The following LRFN5 variants were observed in gnomAD, a reference collection of about 807,000 sequenced individuals.
The protein encoded by LRFN5 is leucine-rich repeat and fibronectin type-III domain-containing protein 5.
A neutral mutation model predicts 45.6 loss-of-function variants in LRFN5; 24 were observed. That is an observed-to-expected ratio of 0.53 (90% CI 0.38 to 0.74). The LOEUF (loss-of-function observed/expected upper bound fraction) is 0.74, where lower values mean the gene tolerates loss of function less well. LRFN5 is among the 30% of genes least tolerant of loss of function. The pLI, the probability that LRFN5 is intolerant of heterozygous loss-of-function variation, is 0.00. For missense variants in LRFN5, 776 were observed against 861.5 expected (o/e 0.90, Z 1.24); for synonymous variants, 340 against 313.8 (o/e 1.08, Z -0.88).
intron 1 of LRFN5, among the ~76,000 whole-genome samples, chr14:41,696,595 A>G (rs1403635550): frequency 6.6e-6 from 1 of 151,950 alleles, no homozygotes; most frequent in African/African-American, 2.4e-5. Flanking sequence ...CAGAAGAGCA[A>G]TTGCTGGATT....
chr14:41,654,286 G>A (rs1192926419), intron 1 of LRFN5, among the ~76,000 whole-genome samples: 1 of 152,000 alleles, frequency 6.6e-6, no homozygotes, highest in African/African-American at 2.4e-5. Context: ...GTTTTATTTT[G>A]TCAAATTAAT....
intron 2 of LRFN5, among the ~76,000 whole-genome samples, chr14:41,769,143 T>C (rs1441721530): frequency 2.0e-5 from 3 of 151,766 alleles, no homozygotes; most frequent in Non-Finnish European, 4.4e-5. Flanking sequence ...AAATAGCTCA[T>C]TGAAAATTCA....
rs188509751 is a variant in LRFN5 at position 41,686,391 on chromosome 14, A to T, written c.-197+77829A>T. On this transcript the variant is annotated intron_variant, in intron 1 of 5. Coordinates refer to ENST00000298119, the MANE Select transcript of LRFN5 (RefSeq NM_152447.5). Reference sequence around the variant, plus strand: ...GCTGATACGATGGGGTTTTCTAAATATAAAATATTGTAATCTGCAAACAGA... The same window carrying T: ...GCTGATACGATGGGGTTTTCTAAATTTAAAATATTGTAATCTGCAAACAGA... Among the ~76,000 whole-genome samples, 162 of 152,206 alleles carry T rather than the reference A, an allele frequency of 1.1e-3. 1 individual carries two copies. Among genetic ancestry groups the T allele is most frequent in the Non-Finnish European group, 1.3e-3 (89 of 68,006 alleles).
intron 2 of LRFN5, among the ~76,000 whole-genome samples, chr14:41,774,300 C>T (rs1240032491): frequency 2.6e-5 from 4 of 152,098 alleles, no homozygotes; most frequent in Admixed American, 6.6e-5. Flanking sequence ...CTCCATATAC[C>T]ACTACAGACT....
At chr14:41,622,133 T>A (rs1327938482) in intron 1 of LRFN5, among the ~76,000 whole-genome samples, 2 of 151,792 alleles carry the variant, frequency 1.3e-5, no homozygotes, top group African/African-American at 4.8e-5. Context: ...CCCTCTTTTT[T>A]TTTTTTCATT....
intron 1 of LRFN5, among the ~76,000 whole-genome samples, chr14:41,677,205 T>A (rs1229064670): frequency 6.6e-6 from 1 of 152,156 alleles, no homozygotes; most frequent in Non-Finnish European, 1.5e-5. Flanking sequence ...CTTTGAGAAT[T>A]AGTTCAGTCA....
chr14:41,765,522 T>C (rs1885852622), intron 1 of LRFN5, among the ~76,000 whole-genome samples: 1 of 152,204 alleles, frequency 6.6e-6, no homozygotes, highest in African/African-American at 2.4e-5. Context: ...TGGAGGAAGA[T>C]GTACTATTGG....
chr14:41,844,578 A>G (rs1888994359), intron 2 of LRFN5, among the ~76,000 whole-genome samples: 1 of 152,202 alleles, frequency 6.6e-6, no homozygotes, highest in Non-Finnish European at 1.5e-5. Context: ...TATAAATATC[A>G]CATCTTTTAC....
intron 1 of LRFN5, among the ~76,000 whole-genome samples, chr14:41,713,190 C>T (rs1883353726): frequency 2.0e-5 from 3 of 152,044 alleles, no homozygotes; most frequent in Non-Finnish European, 4.4e-5. Flanking sequence ...AAAATGACTA[C>T]AGTAATCCAA....
intron 1 of LRFN5, among the ~76,000 whole-genome samples, chr14:41,663,460 A>T (rs1880750635): frequency 6.6e-6 from 1 of 152,100 alleles, no homozygotes; most frequent in African/African-American, 2.4e-5. Flanking sequence ...TTTACAGGGA[A>T]GTAAGTCTTC....
At chr14:41,784,655 G>A (rs1466721860) in intron 2 of LRFN5, among the ~76,000 whole-genome samples, 3 of 151,736 alleles carry the variant, frequency 2.0e-5, no homozygotes, top group Non-Finnish European at 4.4e-5. Context: ...GTGTGACAGA[G>A]TCTCGCTCTG....
At chr14:41,695,083 A>C (rs1882547414) in intron 1 of LRFN5, among the ~76,000 whole-genome samples, 1 of 151,996 alleles carries the variant, frequency 6.6e-6, no homozygotes, top group Non-Finnish European at 1.5e-5. Flanking sequence ...AAGCACAACA[A>C]CCATATTGCT....
At chr14:41,694,892 A>G (rs1882538225) in intron 1 of LRFN5, among the ~76,000 whole-genome samples, 1 of 151,928 alleles carries the variant, frequency 6.6e-6, no homozygotes, top group Non-Finnish European at 1.5e-5. Context: ...AACGAGAGAA[A>G]AGTCCAATGT....
At chr14:41,894,688 T>C (rs577857827) in intron 4 of LRFN5, 1 of 985,316 alleles carries the variant, frequency 1.0e-6, no homozygotes. Context: ...TTACCTATCA[T>C]GATGTCTGAA....
At chr14:41,866,275 T>C (rs17112341) in intron 2 of LRFN5, among the ~76,000 whole-genome samples, 6,312 of 152,222 alleles carry the variant, frequency 0.041, 472 homozygotes, top group African/African-American at 0.14. Context: ...CTGACAATTA[T>C]AGATTGTGTT....
chr14:41,842,230 A>C (rs1888887092), intron 2 of LRFN5, among the ~76,000 whole-genome samples: 1 of 152,128 alleles, frequency 6.6e-6, no homozygotes, highest in East Asian at 1.9e-4. Context: ...TGAGATTATC[A>C]CAAAAATTAA....
intron 2 of LRFN5, among the ~76,000 whole-genome samples, chr14:41,804,429 A>G (rs2138975763): frequency 6.6e-6 from 1 of 152,252 alleles, no homozygotes. Flanking sequence ...CTTAATTTCT[A>G]CAATAGTGAT....
At chr14:41,882,175 G>A (rs2139140546) in intron 2 of LRFN5, among the ~76,000 whole-genome samples, 1 of 152,072 alleles carries the variant, frequency 6.6e-6, no homozygotes, top group East Asian at 1.9e-4. Flanking sequence ...TACAGCTCTG[G>A]GGCCAGATTT....
rs190197224 is a variant in LRFN5, at chr14:41,787,703, G to A, written c.-21+20674G>A. On this transcript the variant is annotated intron_variant, in intron 2 of 5. Transcript: ENST00000298119. ...ATTTTATGTTTGTTTTTTCATTACG[G>A]GAATATAACTTTTTTTTCCTATTGC... Among the ~76,000 whole-genome samples the A allele has an allele frequency of 5.7e-4, 87 of 151,484 alleles. 3 individuals are homozygous for A. The East Asian group carries it at 0.011, about 19-fold the overall frequency.
Sources: allele counts gnomAD v4.1 joint callset (sites outside exome capture counted in the v4.1 genomes callset), GRCh38; gene constraint gnomAD v4.1.1; transcripts MANE v1.5; gene names NCBI Gene and HGNC (gene_info 2026-07-23, HGNC 2026-07-21).